The following NOVA1 variants were observed in gnomAD, a reference collection of about 807,000 sequenced individuals.
NOVA1 encodes NOVA alternative splicing regulator 1.
A neutral mutation model predicts 38.0 loss-of-function variants in NOVA1; 7 were observed. The observed-to-expected ratio is 0.18, with a 90% CI of 0.10 to 0.35. NOVA1 has a LOEUF of 0.35. Ranked by LOEUF, NOVA1 falls within the 10% of genes least tolerant of loss-of-function variation. The probability of loss-of-function intolerance (pLI) is 1.00; values close to 1 mark genes in which losing one functional copy is unlikely to be tolerated. For synonymous variants in NOVA1, 270 were observed against 232.5 expected, an observed-to-expected ratio of 1.16 and a Z score of -1.47; for missense variants, 460 against 616.0, an observed-to-expected ratio of 0.75 and a Z score of 2.68.
At chr14:26,481,267 A>G (rs1217023395) in intron 2 of NOVA1, among the ~76,000 whole-genome samples, 1 of 152,060 alleles carries the variant, frequency 6.6e-6, no homozygotes, top group Non-Finnish European at 1.5e-5. Context: ...ATTACCTAAC[A>G]TATTTCCTTT....
At position 26,531,066 on chromosome 14, in the gene NOVA1, G is replaced by T. The variant is rs142496374; in HGVS notation, c.281-50923C>A. ...AATAGGAAAGTCATTATTTTACAAG[G>T]CATGTTTTATTTGTTGGATGGGTAC... On this transcript the variant is annotated intron_variant, in intron 2 of 4. Transcript: ENST00000539517. Among the ~76,000 whole-genome samples, 19 of 152,122 alleles carry T rather than the reference G, an allele frequency of 1.2e-4. 1 individual carries two copies. The East Asian group carries it at 3.7e-3, about 29-fold the overall frequency.
chr14:26,482,912 G>A (rs1051455749), intron 2 of NOVA1, among the ~76,000 whole-genome samples: 6 of 152,010 alleles, frequency 3.9e-5, no homozygotes, highest in Admixed American at 3.9e-4. Flanking sequence ...ATGTGGCATA[G>A]GCTGCTCTTC....
intron 3 of NOVA1, chr14:26,478,879 T>G (rs1337985799): frequency 6.6e-6 from 1 of 151,860 alleles, no homozygotes; most frequent in Non-Finnish European, 1.5e-5. Context: ...AAAAAAGTAA[T>G]TAGTATAAAA....
chr14:26,464,200 A>G (rs970388189), intron 4 of NOVA1, among the ~76,000 whole-genome samples: 1 of 152,306 alleles, frequency 6.6e-6, no homozygotes, highest in Middle Eastern at 3.4e-3. Context: ...ATTTTCATCA[A>G]TGACAGGCCA....
At chr14:26,454,122 C>A (rs1022174639) in intron 4 of NOVA1, among the ~76,000 whole-genome samples, 1 of 151,266 alleles carries the variant, frequency 6.6e-6, no homozygotes, top group Non-Finnish European at 1.5e-5. Context: ...TCAAGCTACA[C>A]ATAAAATACA....
chr14:26,566,350 T>C (rs1416050226), intron 2 of NOVA1, among the ~76,000 whole-genome samples: 2 of 145,536 alleles, frequency 1.4e-5, no homozygotes, highest in Non-Finnish European at 3.0e-5. Flanking sequence ...AGTATATTTA[T>C]ATACATATAT....
chr14:26,544,989 TATAA>T (rs1283157620), intron 2 of NOVA1, among the ~76,000 whole-genome samples: 1 of 152,092 alleles, frequency 6.6e-6, no homozygotes, highest in African/African-American at 2.4e-5. Context: ...AAATACATTT[TATAA>T]ATATAGAATC....
At chr14:26,515,883 C>T (rs1365977725) in intron 2 of NOVA1, among the ~76,000 whole-genome samples, 1 of 151,922 alleles carries the variant, frequency 6.6e-6, no homozygotes, top group Admixed American at 6.6e-5. Flanking sequence ...GGTATGTATA[C>T]ATGTATACAT....
At chr14:26,475,776 A>G (rs1884939777) in intron 3 of NOVA1, among the ~76,000 whole-genome samples, 1 of 152,194 alleles carries the variant, frequency 6.6e-6, no homozygotes, top group Admixed American at 6.5e-5. Context: ...AAATGTAGAC[A>G]TAACTAGGCT....
Position 26,517,676 on chromosome 14 carries a change from T to G in NOVA1, c.281-37533A>C, listed in dbSNP as rs147637581. ...ATTAATTTTATTATAAATAACAATT[T>G]TGCCATTTGCCACTTTCCAGATAAA... On this transcript the variant is annotated intron_variant, in intron 2 of 4. Transcript: ENST00000539517. Among the ~76,000 whole-genome samples, 1,002 of 152,250 alleles carry G rather than the reference T, an allele frequency of 6.6e-3. 8 individuals carry two copies. The highest frequency in any genetic ancestry group is 0.02 in the Middle Eastern group (6 of 294).
At chr14:26,582,533 T>C (rs1287570198) in intron 2 of NOVA1, among the ~76,000 whole-genome samples, 1 of 151,790 alleles carries the variant, frequency 6.6e-6, no homozygotes, top group East Asian at 1.9e-4. Context: ...TTTCTAAAAA[T>C]AAAAATATTG....
chr14:26,542,196 T>C (rs964257230), intron 2 of NOVA1, among the ~76,000 whole-genome samples: 1 of 151,920 alleles, frequency 6.6e-6, no homozygotes, highest in Non-Finnish European at 1.5e-5. Context: ...TGATTTATCA[T>C]CTTTCAGCCT....
chr14:26,555,266 G>T (rs987918427), intron 2 of NOVA1, among the ~76,000 whole-genome samples: 2 of 151,968 alleles, frequency 1.3e-5, no homozygotes, highest in African/African-American at 4.8e-5. Context: ...AATTTAATGG[G>T]CATTCTCTTA....
At chr14:26,486,806 T>G (rs1885947695) in intron 2 of NOVA1, among the ~76,000 whole-genome samples, 1 of 151,476 alleles carries the variant, frequency 6.6e-6, no homozygotes, top group South Asian at 2.1e-4. Flanking sequence ...GAAATCATTT[T>G]TGATTTCATT....
intron 2 of NOVA1, chr14:26,549,921 T>C (rs939597577): frequency 1.7e-5 from 5 of 297,062 alleles, no homozygotes; most frequent in South Asian, 1.2e-4. Flanking sequence ...AAGAACAAAG[T>C]GGCTGTCTGA....
At chr14:26,530,139 C>T (rs4344659) in intron 2 of NOVA1, among the ~76,000 whole-genome samples, 34,671 of 151,972 alleles carry the variant, frequency 0.23, 4,445 homozygotes, top group East Asian at 0.33. Context: ...AGGATGGTCT[C>T]GATCTCCTGA....
chr14:26,455,203 T>G (rs1421727205), intron 4 of NOVA1, among the ~76,000 whole-genome samples: 1 of 152,170 alleles, frequency 6.6e-6, no homozygotes, highest in Non-Finnish European at 1.5e-5. Flanking sequence ...CCTTGTCTCA[T>G]GTATTTTTAC....
At chr14:26,533,914 C>T (rs985555677) in intron 2 of NOVA1, among the ~76,000 whole-genome samples, 2 of 152,082 alleles carry the variant, frequency 1.3e-5, no homozygotes, top group African/African-American at 2.4e-5. Flanking sequence ...TGAAAAAGGC[C>T]TATCAAATAA....
At chr14:26,560,661 T>C (rs1219441373) in intron 2 of NOVA1, among the ~76,000 whole-genome samples, 5 of 152,104 alleles carry the variant, frequency 3.3e-5, no homozygotes, top group African/African-American at 1.2e-4. Flanking sequence ...ATTGCATAGA[T>C]ATTAGAAATA....
Sources: allele counts gnomAD v4.1 joint callset (sites outside exome capture counted in the v4.1 genomes callset), GRCh38; gene constraint gnomAD v4.1.1; transcripts MANE v1.5; gene names NCBI Gene and HGNC (gene_info 2026-07-23, HGNC 2026-07-21).